The following FCGR2A variants were observed in gnomAD, a reference collection of about 807,000 sequenced individuals.
The protein encoded by FCGR2A is low affinity immunoglobulin gamma Fc region receptor II-a.
In FCGR2A, 18 loss-of-function variants were observed where a neutral mutation model predicts 29.3. The observed-to-expected ratio is 0.62, with a 90% CI of 0.43 to 0.91. The LOEUF (loss-of-function observed/expected upper bound fraction) is 0.91, where lower values mean the gene tolerates loss of function less well. Ranked by LOEUF, FCGR2A falls within the 40% of genes least tolerant of loss-of-function variation. The pLI is 0.00. For missense variants in FCGR2A, 287 were observed against 393.0 expected (o/e 0.73, Z 2.28); for synonymous variants, 126 against 144.8 (o/e 0.87, Z 0.93).
intron 6 of FCGR2A, 71 bp downstream of exon 6, chr1:161,514,003 T>A: frequency 6.2e-7 from 1 of 1,609,758 alleles, no homozygotes; most frequent in East Asian, 2.2e-5. Flanking sequence ...CATTTTTGCC[T>A]TTGTTAATGC....
In FCGR2A at chr1:161,513,931, A is replaced by G. The variant is rs771912362; in HGVS notation, c.779A>G (p.Glu260Gly). ...STDPVKAAQF[E>G]PPGRQMIAIR... is the part of the protein sequence containing the mutation. ...GATCCTGTGAAGGCTGCCCAATTTG[A>G]GGTGAGTAATCCCAGCCATCTCCTT... The change falls in exon 6 of 7, where the codon GAG (glutamate) becomes GGG (glycine). Residue 260 changes from glutamate (E) to glycine (G), a missense_variant and splice_region_variant. Glu to Gly is a moderately conservative substitution (Grantham distance 98, BLOSUM62 -2). Around this residue, in one of 3 missense-constraint regions of FCGR2A, gnomAD observed 72 missense variants for 68.6 expected, o/e 1.05. Coordinates refer to ENST00000271450, the MANE Select transcript of FCGR2A (RefSeq NM_001136219.3). 36 of 1,614,042 alleles carry G rather than the reference A, an allele frequency of 2.2e-5. No homozygotes were observed. The East Asian group carries it at 2.9e-4, about 13-fold the overall frequency.
chr1:161,511,399 C>T (rs1187759139), intron 5 of FCGR2A, among the ~76,000 whole-genome samples: 1 of 152,188 alleles, frequency 6.6e-6, no homozygotes, highest in African/African-American at 2.4e-5. Flanking sequence ...AAGCACTTTG[C>T]AATTGGTTCA....
At chr1:161,509,273 TTTATAGCATTTTG>T (rs1431602195) in intron 3 of FCGR2A, among the ~76,000 whole-genome samples, 1 of 152,030 alleles carries the variant, frequency 6.6e-6, no homozygotes, top group African/African-American at 2.4e-5. Flanking sequence ...AACCACCCAG[TTTATAGCATTTTG>T]TTATAGCAGC....
chr1:161,510,256 G>T, intron 4 of FCGR2A, 182 bp downstream of exon 4: 1 of 1,091,448 alleles, frequency 9.2e-7, no homozygotes, highest in African/African-American at 1.6e-5. Context: ...AGAGCTTGGA[G>T]CCCTCACGTC....
chr1:161,513,975 T>A (rs1675985229), intron 6 of FCGR2A, 43 bp downstream of exon 6: 1 of 1,613,852 alleles, frequency 6.2e-7, no homozygotes, highest in Non-Finnish European at 8.5e-7. Flanking sequence ...GCCTTGTCCC[T>A]TCTCTCCTGT....
At chr1:161,520,799 A>G (rs1194236318), downstream of FCGR2A, among the ~76,000 whole-genome samples, 3 of 152,030 alleles carry the variant, frequency 2.0e-5, no homozygotes, top group African/African-American at 7.3e-5. Flanking sequence ...TCTTTTCCCC[A>G]AATCATATAC....
intron 2 of FCGR2A, 22 bp from the exon 3 acceptor site, chr1:161,506,312 C>T (rs1393848008): frequency 6.2e-7 from 1 of 1,613,772 alleles, no homozygotes; most frequent in East Asian, 2.2e-5. Flanking sequence ...TATTCCACAC[C>T]CCTTTCCACT....
At chr1:161,513,628 G>A (rs550187029) in intron 5 of FCGR2A, 86 of 556,654 alleles carry the variant, frequency 1.5e-4, no homozygotes, top group African/African-American at 1.4e-3. Flanking sequence ...TTGCTTCTAG[G>A]AAAGCTCAGC....
intron 4 of FCGR2A, chr1:161,510,343 TC>T: frequency 1.5e-6 from 1 of 678,828 alleles, no homozygotes; most frequent in South Asian, 1.7e-5. Flanking sequence ...GAAGCAGAGC[TC>T]CCTCATTGAT....
At position 161,519,671 on chromosome 1, in the gene FCGR2A, A is replaced by G. The variant is rs1343228457; in HGVS notation, c.*1523A>G. The stretch of plus-strand genomic sequence containing the variant: ...GAAAGTCTTGAGAAGGTAGTAATGG[A>G]TAAGATGTGAGGGAGAGGAGAGAGG... On this transcript the variant is annotated 3_prime_UTR_variant, in exon 7 of 7. Transcript: ENST00000271450. The G allele has an allele frequency of 1.3e-5, 2 of 152,122 alleles. No individual in the cohort carries two copies. The highest frequency in any genetic ancestry group is 4.2e-4 in the South Asian group (2 of 4,800). The allele number at this position is 152,122 out of a possible 1,614,324, so 9.4% of individuals were successfully genotyped here. A position where few individuals can be genotyped will look rare whatever the true frequency, so the allele number is the denominator to read the frequency against.
At chr1:161,511,079 A>T (rs1176507966) in intron 5 of FCGR2A, 123 bp downstream of exon 5, 1 of 1,422,480 alleles carries the variant, frequency 7.0e-7, no homozygotes, top group Non-Finnish European at 9.8e-7. Flanking sequence ...CCCACCTTTT[A>T]TTTATTAGTT....
Position 161,510,061 on chromosome 1 carries a change from C to G in FCGR2A, c.606C>G (p.Thr202=). Residue 202 remains threonine (T), a synonymous_variant, in exon 4 of 7, where the codon ACC becomes ACG. Transcript: ENST00000271450. ...CGCTGTTCTCATCCAAGCCTGTGAC[C>G]ATCACTGTCCAAGGTATGGGGAGTC... ...GYTLFSSKPV[T]ITVQVPSMGS... is the part of the protein sequence containing the mutation. The G allele has an allele frequency of 6.2e-7, 1 of 1,613,896 alleles. No homozygotes were observed. Among genetic ancestry groups the G allele is most frequent in the Non-Finnish European group, 8.5e-7 (1 of 1,179,850 alleles).
intron 1 of FCGR2A, 142 bp downstream of exon 1, chr1:161,505,694 G>A (rs1318397915): frequency 9.0e-6 from 7 of 774,058 alleles, no homozygotes; most frequent in Non-Finnish European, 1.6e-5. Flanking sequence ...GAATTCTTAA[G>A]TGTTCCAATG....
At chr1:161,506,798 A>G in intron 3 of FCGR2A, 1 of 1,051,186 alleles carries the variant, frequency 9.5e-7, no homozygotes, top group East Asian at 2.6e-5. Flanking sequence ...TTTTCTCAGC[A>G]TGTGTTAGGT....
intron 5 of FCGR2A, 82 bp from the exon 6 acceptor site, chr1:161,513,813 T>C: frequency 6.2e-7 from 1 of 1,602,946 alleles, no homozygotes; most frequent in Non-Finnish European, 8.5e-7. Flanking sequence ...AGTCTGGTTA[T>C]GGTTTTGCAG....
chr1:161,514,370 C>A (rs575996749), intron 6 of FCGR2A, among the ~76,000 whole-genome samples: 1 of 150,248 alleles, frequency 6.7e-6, no homozygotes, highest in East Asian at 1.9e-4. Flanking sequence ...GTCATTAAAA[C>A]ATTAGACCTC....
At chr1:161,523,645 T>C (rs546386161), downstream of FCGR2A, 1 of 152,246 alleles carries the variant, frequency 6.6e-6, no homozygotes, top group East Asian at 1.9e-4. Flanking sequence ...TGTTGCGTTC[T>C]CTCTTGGGCT....
At chr1:161,520,739 A>T (rs1676421652), downstream of FCGR2A, among the ~76,000 whole-genome samples, 1 of 151,892 alleles carries the variant, frequency 6.6e-6, no homozygotes, top group South Asian at 2.1e-4. Context: ...GTCTATTCTC[A>T]CCATAACAGC....
At chr1:161,513,645 C>G (rs912567433) in intron 5 of FCGR2A, 23 of 575,270 alleles carry the variant, frequency 4.0e-5, no homozygotes, top group African/African-American at 3.9e-4. Flanking sequence ...CAGCAATTCC[C>G]TGAAAAGAGT....
Sources: allele counts gnomAD v4.1 joint callset (sites outside exome capture counted in the v4.1 genomes callset), GRCh38; gene constraint gnomAD v4.1.1; regional missense constraint gnomAD v4.1.1; transcripts MANE v1.5; gene names NCBI Gene and HGNC (gene_info 2026-07-23, HGNC 2026-07-21).